Variants in FER observed in about 807,000 individuals in gnomAD.
The protein encoded by FER is tyrosine-protein kinase Fer.
Under a neutral mutation model 111.0 loss-of-function variants are expected in FER, and 63 were observed. That is an observed-to-expected ratio of 0.57 (90% confidence interval 0.46 to 0.70). The LOEUF is 0.70. Ranked by LOEUF, FER falls within the 30% of genes least tolerant of loss-of-function variation. The pLI is 0.00. For missense variants in FER, 914 were observed against 954.0 expected (o/e 0.96, Z 0.55); for synonymous variants, 327 against 313.9 (o/e 1.04, Z -0.44).
At chr5:108,995,108 C>A (rs1475283198) in intron 13 of FER, among the ~76,000 whole-genome samples, 1 of 152,074 alleles carries the variant, frequency 6.6e-6, no homozygotes, top group Non-Finnish European at 1.5e-5. Context: ...CTATTTCTTT[C>A]TCTTACCTGA....
intron 3 of FER, among the ~76,000 whole-genome samples, chr5:108,815,269 GTTATA>G (rs1157128849): frequency 2.0e-5 from 3 of 151,930 alleles, no homozygotes; most frequent in Admixed American, 1.3e-4. Context: ...AAATGTACCT[GTTATA>G]TTATATATTT....
chr5:108,933,886 C>T (rs1383079621), intron 10 of FER, among the ~76,000 whole-genome samples: 2 of 152,158 alleles, frequency 1.3e-5, no homozygotes, highest in South Asian at 2.1e-4. Flanking sequence ...GGAGTTCACT[C>T]ATTATTTGGC....
chr5:108,940,637 G>A (rs1419838163), intron 10 of FER, among the ~76,000 whole-genome samples: 2 of 151,996 alleles, frequency 1.3e-5, no homozygotes, highest in East Asian at 1.9e-4. Context: ...GGTGTAGGCC[G>A]ATGTGAAAGA....
chr5:108,843,603 C>G (rs1350342990), intron 5 of FER, among the ~76,000 whole-genome samples: 1 of 130,952 alleles, frequency 7.6e-6, no homozygotes, highest in Non-Finnish European at 1.7e-5. Context: ...GATCTCGGGT[C>G]GCTGTAGCCT....
chr5:109,052,576 A>G (rs556531689), intron 16 of FER: 1 of 601,960 alleles, frequency 1.7e-6, no homozygotes, highest in Middle Eastern at 4.4e-4. Context: ...GTCTATTTAA[A>G]GTTTAAAACT....
At chr5:109,054,779 T>G (rs886636021) in intron 16 of FER, among the ~76,000 whole-genome samples, 2 of 152,174 alleles carry the variant, frequency 1.3e-5, no homozygotes, top group Non-Finnish European at 2.9e-5. Context: ...GGGAAATGGT[T>G]AGAAGTTTAT....
intron 2 of FER, among the ~76,000 whole-genome samples, chr5:108,790,092 G>A (rs558283470): frequency 1.3e-5 from 2 of 152,186 alleles, no homozygotes; most frequent in Admixed American, 6.5e-5. Flanking sequence ...TTGGAAGGCC[G>A]AGGTGGGAGC....
intron 10 of FER, among the ~76,000 whole-genome samples, chr5:108,943,211 T>C (rs922320623): frequency 3.9e-5 from 6 of 152,106 alleles, no homozygotes; most frequent in Non-Finnish European, 7.4e-5. Flanking sequence ...GAAACTCTTC[T>C]CTGGGGTTTT....
intron 13 of FER, among the ~76,000 whole-genome samples, chr5:109,029,494 T>A (rs1769292081): frequency 6.7e-6 from 1 of 148,812 alleles, no homozygotes; most frequent in South Asian, 2.2e-4. Context: ...CTGGTTTAGA[T>A]CTCTTGGCCT....
At chr5:108,837,420 A>C (rs1760780719) in intron 5 of FER, among the ~76,000 whole-genome samples, 1 of 152,204 alleles carries the variant, frequency 6.6e-6, no homozygotes, top group African/African-American at 2.4e-5. Context: ...ATAACTTTAT[A>C]CATTAAACAT....
At chr5:108,956,616 C>G (rs1182795898) in intron 12 of FER, among the ~76,000 whole-genome samples, 14 of 151,532 alleles carry the variant, frequency 9.2e-5, no homozygotes, top group Admixed American at 7.9e-4. Context: ...TGGTTTCCTT[C>G]TGTCACTGAA....
chr5:108,789,360 T>A (rs2150019534), intron 2 of FER, among the ~76,000 whole-genome samples: 1 of 152,222 alleles, frequency 6.6e-6, no homozygotes, highest in South Asian at 2.1e-4. Flanking sequence ...TTTGCTATTT[T>A]AACTGTATCT....
intron 1 of FER, among the ~76,000 whole-genome samples, chr5:108,757,162 A>T (rs1751209646): frequency 6.6e-6 from 1 of 152,204 alleles, no homozygotes; most frequent in Non-Finnish European, 1.5e-5. Flanking sequence ...ATGGTCCTGG[A>T]TTTAATAGAA....
chr5:108,751,527 G>A (rs543398929), intron 1 of FER, among the ~76,000 whole-genome samples: 1 of 152,258 alleles, frequency 6.6e-6, no homozygotes, highest in African/African-American at 2.4e-5. Flanking sequence ...ATAGATTATA[G>A]TTTTGTACTT....
intron 3 of FER, chr5:108,820,034 G>A: frequency 1.0e-6 from 1 of 985,324 alleles, no homozygotes; most frequent in Non-Finnish European, 1.2e-6. Flanking sequence ...CTAGGACATG[G>A]AAAGGGAATG....
chr5:109,090,428 A>G (rs923459032), intron 16 of FER, among the ~76,000 whole-genome samples: 43 of 152,218 alleles, frequency 2.8e-4, no homozygotes, highest in Admixed American at 2.6e-3. Flanking sequence ...CTTAGCAAAA[A>G]ATCACAAGAC....
chr5:109,149,409 C>G (rs969890965), intron 17 of FER, among the ~76,000 whole-genome samples: 2 of 152,154 alleles, frequency 1.3e-5, no homozygotes, highest in African/African-American at 4.8e-5. Context: ...GTCCCCAACC[C>G]ACCTCTAATG....
intron 5 of FER, among the ~76,000 whole-genome samples, chr5:108,865,896 A>C (rs888410208): frequency 1.3e-5 from 2 of 152,218 alleles, no homozygotes; most frequent in South Asian, 2.1e-4. Context: ...ATACCATCTC[A>C]CACCAGTTAG....
At chr5:108,825,102 G>T (rs1399341948) in intron 3 of FER, among the ~76,000 whole-genome samples, 2 of 152,270 alleles carry the variant, frequency 1.3e-5, no homozygotes, top group East Asian at 3.9e-4. Flanking sequence ...ACCACAGGAC[G>T]GAGGCGAAAT....
Sources: gnomAD v4.1 joint callset for allele counts (sites outside exome capture counted in the v4.1 genomes callset) on GRCh38, gnomAD v4.1.1 for gene constraint, MANE v1.5 for transcripts, NCBI Gene and HGNC (gene_info 2026-07-23, HGNC 2026-07-21) for gene names.